CDC42SE2: variants seen among roughly 807,000 people sequenced by gnomAD.
CDC42SE2 encodes the protein CDC42 small effector protein 2.
A neutral mutation model predicts 11.5 loss-of-function variants in CDC42SE2; 3 were observed. That is an observed-to-expected ratio of 0.26 (90% CI 0.12 to 0.67). CDC42SE2 has a LOEUF of 0.67. CDC42SE2 is among the 30% of genes least tolerant of loss of function. The pLI is 0.80. For missense variants in CDC42SE2, 82 were observed against 106.8 expected (o/e 0.77, Z 1.02); for synonymous variants, 33 against 34.8 (o/e 0.95, Z 0.18).
intron 2 of CDC42SE2, among the ~76,000 whole-genome samples, chr5:131,325,327 A>C (rs961359011): frequency 6.6e-6 from 1 of 152,140 alleles, no homozygotes; most frequent in Non-Finnish European, 1.5e-5. Context: ...TCAACATTGA[A>C]TATTTGAATA....
chr5:131,315,572 A>G (rs1758024885), intron 1 of CDC42SE2, among the ~76,000 whole-genome samples: 1 of 152,192 alleles, frequency 6.6e-6, no homozygotes, highest in Non-Finnish European at 1.5e-5. Context: ...GATTGTTTCC[A>G]TATGGGAATG....
At chr5:131,333,728 A>C (rs1362446604) in intron 2 of CDC42SE2, among the ~76,000 whole-genome samples, 3 of 152,094 alleles carry the variant, frequency 2.0e-5, no homozygotes, top group Admixed American at 1.3e-4. Context: ...TCTTTGAAGC[A>C]ATTGTGAATG....
chr5:131,222,857 A>C, the CDC42SE2 span, among the ~76,000 whole-genome samples: 2 of 152,190 alleles, frequency 1.3e-5, no homozygotes, highest in Non-Finnish European at 2.9e-5. Flanking sequence ...ATCATTTGCT[A>C]CCTTAATCCT....
At chr5:131,262,167 GTT>G (rs111700927), upstream of CDC42SE2, among the ~76,000 whole-genome samples, 11 of 144,350 alleles carry the variant, frequency 7.6e-5, no homozygotes, top group African/African-American at 2.5e-4. Context: ...GAATTTTCTG[GTT>G]TTTTTTTTTT....
At chr5:131,277,880 A>G (rs908467565) in intron 1 of CDC42SE2, among the ~76,000 whole-genome samples, 1 of 152,104 alleles carries the variant, frequency 6.6e-6, no homozygotes, top group East Asian at 1.9e-4. Context: ...GACAGTAGGG[A>G]CTTCCTTTGT....
chr5:131,266,467 T>C (rs1334459476), intron 1 of CDC42SE2, among the ~76,000 whole-genome samples: 3 of 150,188 alleles, frequency 2.0e-5, no homozygotes, highest in Non-Finnish European at 4.4e-5. Context: ...TTTCTTTTTT[T>C]TTTTTTTTTC....
chr5:131,353,589 T>C (rs1749433381), intron 2 of CDC42SE2, among the ~76,000 whole-genome samples: 1 of 152,172 alleles, frequency 6.6e-6, no homozygotes, highest in South Asian at 2.1e-4. Context: ...GCCTACTTTT[T>C]AAATTGACAT....
At chr5:131,290,524 C>T (rs1757436918) in intron 1 of CDC42SE2, among the ~76,000 whole-genome samples, 4 of 146,720 alleles carry the variant, frequency 2.7e-5, no homozygotes, top group Non-Finnish European at 4.5e-5. Context: ...GCTCTGTCGC[C>T]CAGGCTGGAG....
intron 2 of CDC42SE2, among the ~76,000 whole-genome samples, chr5:131,337,939 T>C (rs1580763894): frequency 6.6e-6 from 1 of 152,362 alleles, no homozygotes; most frequent in Non-Finnish European, 1.5e-5. Context: ...TGCCTCGCCC[T>C]GCTTCCGCTC....
chr5:131,218,075 C>G, the CDC42SE2 span, among the ~76,000 whole-genome samples: 1 of 149,010 alleles, frequency 6.7e-6, no homozygotes, highest in Non-Finnish European at 1.5e-5. Context: ...ACTTGGGAGG[C>G]TGAGGTAGGA....
intron 2 of CDC42SE2, among the ~76,000 whole-genome samples, chr5:131,336,147 C>CT (rs1405702901): frequency 2.0e-5 from 3 of 152,144 alleles, no homozygotes; most frequent in Non-Finnish European, 4.4e-5. Context: ...TTCAGGAGCT[C>CT]TTTTAGGGCA....
the CDC42SE2 span, among the ~76,000 whole-genome samples, chr5:131,211,830 A>T: frequency 0.019 from 2,920 of 152,078 alleles, 93 homozygotes; most frequent in African/African-American, 0.066. Context: ...AAAAAAATTT[A>T]AAAATGAGCC....
At chr5:131,350,501 T>C (rs1348815770) in intron 2 of CDC42SE2, among the ~76,000 whole-genome samples, 1 of 152,012 alleles carries the variant, frequency 6.6e-6, no homozygotes. Flanking sequence ...TTAAGTAAGA[T>C]AAAACCACTA....
chr5:131,226,631 T>C, the CDC42SE2 span, among the ~76,000 whole-genome samples: 1 of 152,164 alleles, frequency 6.6e-6, no homozygotes, highest in African/African-American at 2.4e-5. Flanking sequence ...AAAGCACCGC[T>C]ATGGTCCACC....
At chr5:131,211,607 C>T in the CDC42SE2 span, among the ~76,000 whole-genome samples, 1 of 152,312 alleles carries the variant, frequency 6.6e-6, no homozygotes, top group East Asian at 1.9e-4. Context: ...ATTGTGGGAA[C>T]GTCCCTCCAA....
upstream of CDC42SE2, among the ~76,000 whole-genome samples, chr5:131,260,643 A>ATT (rs1423724523): frequency 5.3e-5 from 8 of 151,152 alleles, no homozygotes; most frequent in African/African-American, 1.7e-4. Context: ...AAAAAAAAAA[A>ATT]AATTAATAGG....
At chr5:131,335,748 T>C (rs1423867320) in intron 2 of CDC42SE2, among the ~76,000 whole-genome samples, 1 of 152,224 alleles carries the variant, frequency 6.6e-6, no homozygotes, top group Non-Finnish European at 1.5e-5. Flanking sequence ...CTTTTGATCT[T>C]TGCTGGTTTA....
chr5:131,327,875 T>C (rs1758329203), intron 2 of CDC42SE2, among the ~76,000 whole-genome samples: 1 of 152,164 alleles, frequency 6.6e-6, no homozygotes, highest in South Asian at 2.1e-4. Flanking sequence ...TGAAAAATCA[T>C]TGTTTTGGTC....
chr5:131,233,585 C>T, the CDC42SE2 span, among the ~76,000 whole-genome samples: 1 of 152,150 alleles, frequency 6.6e-6, no homozygotes, highest in African/African-American at 2.4e-5. Flanking sequence ...CCAAGCTGGT[C>T]TCGAACTGAC....
Sources: allele counts gnomAD v4.1 joint callset (sites outside exome capture counted in the v4.1 genomes callset), GRCh38; gene constraint gnomAD v4.1.1; transcripts MANE v1.5; gene names NCBI Gene and HGNC (gene_info 2026-07-23, HGNC 2026-07-21).